The following ATP2B3 variants were observed in gnomAD, a reference collection of about 807,000 sequenced individuals.
The protein encoded by ATP2B3 is ATPase plasma membrane Ca2+ transporting 3.
ATP2B3 carries 12 observed loss-of-function variants against 70.8 expected under a neutral mutation model. The ratio of observed to expected loss-of-function variants is 0.17; its 90% CI spans 0.11 to 0.27. The LOEUF is 0.27. Among genes scored for constraint, ATP2B3 ranks in the 10% least tolerant of loss-of-function variants. ATP2B3 has a pLI of 1.00. For missense variants in ATP2B3, 858 were observed against 1,118.5 expected, an observed-to-expected ratio of 0.77 and a Z score of 3.32; for synonymous variants, 460 against 497.8, an observed-to-expected ratio of 0.92 and a Z score of 1.01.
At chrX:153,525,219 T>A (rs868906410) in intron 2 of ATP2B3, among the ~76,000 whole-genome samples, 2 of 112,396 alleles carry the variant, frequency 1.8e-5, no homozygotes, top group South Asian at 3.7e-4. Flanking sequence ...CTTTTGGAAA[T>A]CACTGTCCTG....
In ATP2B3 at chrX:153,562,219, G is replaced by A. The variant is rs1557016639; in HGVS notation, c.3136G>A (p.Val1046Ile). 5 of 1,211,551 alleles carry A rather than the reference G, an allele frequency of 4.1e-6. No homozygotes were observed. The Admixed American group carries it at 8.7e-5, about 21-fold the overall frequency. Reference protein sequence around the residue: ...EQWLWCLFVGVGELVWGQVIA... With the variant: ...EQWLWCLFVGIGELVWGQVIA... ...GTGGCTCTGGTGCCTGTTTGTTGGT[G>A]TTGGGGAGCTGGTCTGGGGACAGGT... Residue 1046 changes from valine (V) to isoleucine (I), a missense_variant, in exon 20 of 22, where the codon GTT becomes ATT. Transcript: ENST00000263519.
At chrX:153,550,354 G>A in intron 12 of ATP2B3, 68 bp downstream of exon 12, 1 of 1,187,827 alleles carries the variant, frequency 8.4e-7, no homozygotes, top group Non-Finnish European at 1.1e-6. Context: ...TGGTAAAAGA[G>A]GCCGAACGTA....
At chrX:153,523,145 G>T (rs912036566) in intron 2 of ATP2B3, among the ~76,000 whole-genome samples, 17 of 111,122 alleles carry the variant, frequency 1.5e-4, no homozygotes, top group Non-Finnish European at 2.8e-4. Flanking sequence ...TAAATGAATG[G>T]TTTTTTTCAA....
At chrX:153,563,556 TGTTTC>T (rs2090659008) in intron 20 of ATP2B3, among the ~76,000 whole-genome samples, 1 of 112,218 alleles carries the variant, frequency 8.9e-6, no homozygotes, top group African/African-American at 3.2e-5. Context: ...ACCCAGTTCC[TGTTTC>T]ATTTTCAGAA....
At position 153,564,230 on chromosome X, in the gene ATP2B3, T is replaced by G. The variant is rs376499403; in HGVS notation, c.3160-691T>G. 2.7e-5 allele frequency among the ~76,000 whole-genome samples: 3 copies of G among 112,373 alleles called. No homozygotes were observed. The East Asian group carries it at 8.5e-4, about 32-fold the overall frequency. ...CTCCAGCTGTCCTCTCCCAGGGGAG[T>G]TGCGCAAACAGCGCCTGTGTCTCCC... On this transcript the variant is annotated intron_variant, in intron 20 of 21. Coordinates refer to ENST00000263519, the MANE Select transcript of ATP2B3 (RefSeq NM_001001344.3).
intron 20 of ATP2B3, among the ~76,000 whole-genome samples, chrX:153,564,015 C>G (rs992177508): frequency 3.6e-5 from 4 of 112,235 alleles, no homozygotes; most frequent in Non-Finnish European, 5.6e-5. Context: ...CTGTTCCCCC[C>G]ACTTCCCAGT....
Position 153,579,736 on chromosome X carries a change from GA to G in ATP2B3, c.3343-238del, listed in dbSNP as rs782147002. ...GTTGACGAGACCAAGGCCCACACCTGAAAACTCTTTCCAAAGGCAGGCAGAG... is the reference window on the plus strand; with the variant it reads ...GTTGACGAGACCAAGGCCCACACCTGAAACTCTTTCCAAAGGCAGGCAGAG... On this transcript the variant is annotated intron_variant, in intron 21 of 21. Transcript: ENST00000263519. Among the ~76,000 whole-genome samples, 688 of 111,458 alleles carry G rather than the reference GA, an allele frequency of 6.2e-3. 3 individuals carry two copies. The highest frequency in any genetic ancestry group is 0.022 in the African/African-American group (676 of 30,603).
intron 21 of ATP2B3, among the ~76,000 whole-genome samples, chrX:153,572,305 T>C (rs1444701292): frequency 8.9e-6 from 1 of 112,893 alleles, no homozygotes; most frequent in African/African-American, 3.2e-5. Context: ...CAGTTTCCCA[T>C]CCTCTTTGCC....
intron 21 of ATP2B3, chrX:153,574,741 C>T (rs1487528687): frequency 9.2e-6 from 3 of 327,606 alleles, no homozygotes; most frequent in South Asian, 5.2e-5. Flanking sequence ...CAGCCCTGCA[C>T]TGCAAACTCC....
intron 6 of ATP2B3, 69 bp from the exon 7 acceptor site, chrX:153,542,974 G>A (rs1569534155): frequency 2.6e-6 from 3 of 1,158,151 alleles, no homozygotes; most frequent in Non-Finnish European, 3.5e-6. Context: ...GAGACAGGTT[G>A]TGGGCGCTGA....
chrX:153,559,980 A>T (rs1368262518), intron 18 of ATP2B3, 38 bp downstream of exon 18: 1 of 1,157,500 alleles, frequency 8.6e-7, no homozygotes, highest in Non-Finnish European at 1.2e-6. Flanking sequence ...ACTTCAGGAC[A>T]CTGTTGCCAC....
chrX:153,546,266 C>A, intron 8 of ATP2B3, 137 bp downstream of exon 8: 1 of 777,526 alleles, frequency 1.3e-6, no homozygotes. Context: ...GGGCTGGCTG[C>A]ACAGTCCCGT....
Position 153,556,539 on chromosome X carries a change from G to A in ATP2B3, c.2326+121G>A, listed in dbSNP as rs782432458. The A allele has an allele frequency of 3.9e-6, 3 of 767,876 alleles. No homozygotes were observed. In the East Asian group the frequency reaches 1.0e-4, roughly 27 times the overall value. 63.3% of individuals were successfully genotyped at this position (767,876 alleles called of 1,213,427 possible). The stretch of plus-strand genomic sequence containing the variant: ...CCTGCCTAGGAAGCTGGGTCCATTT[G>A]TCCCATTAGCCCAGAGCAGCAGGGC... On this transcript the variant is annotated intron_variant, in intron 15 of 21. Transcript: ENST00000263519.
intron 21 of ATP2B3, among the ~76,000 whole-genome samples, chrX:153,570,399 G>C (rs1293081169): frequency 1.8e-5 from 2 of 112,714 alleles, no homozygotes; most frequent in African/African-American, 6.5e-5. Flanking sequence ...GGGTGTTAGA[G>C]GTTTCCCCAG....
At chrX:153,562,376 C>T (rs1236527560) in intron 20 of ATP2B3, 134 bp downstream of exon 20, 3 of 518,578 alleles carry the variant, frequency 5.8e-6, no homozygotes, top group Non-Finnish European at 9.3e-6. Context: ...AGGCCTGTGA[C>T]ACACCAGGAC....
chrX:153,570,709 T>C (rs930355676), intron 21 of ATP2B3, among the ~76,000 whole-genome samples: 2 of 111,031 alleles, frequency 1.8e-5, no homozygotes, highest in African/African-American at 6.6e-5. Flanking sequence ...GCCAGGATGG[T>C]TCTATGCTAC....
chrX:153,572,211 G>T (rs1321042349), intron 21 of ATP2B3, among the ~76,000 whole-genome samples: 2 of 112,846 alleles, frequency 1.8e-5, no homozygotes, highest in Non-Finnish European at 3.8e-5. Context: ...TCTGAAGGCT[G>T]TGACGGAGCT....
At position 153,522,428 on chromosome X, in the gene ATP2B3, C is replaced by T. The variant is rs192774059; in HGVS notation, c.-127+3877C>T. 1.1e-3 allele frequency among the ~76,000 whole-genome samples: 128 copies of T among 112,310 alleles called. 1 individual carries two copies. Among genetic ancestry groups the T allele is most frequent in the Middle Eastern group, 4.6e-3 (1 of 217 alleles). On this transcript the variant is annotated intron_variant, in intron 2 of 21. Transcript: ENST00000263519. The stretch of plus-strand genomic sequence containing the variant: ...AGGCCAGCCGGTATCTCCCAGGGCT[C>T]GGGTCCACAACCTGAGTCCCCGCCC...
At chrX:153,548,568 C>A in intron 9 of ATP2B3, 72 bp from the exon 10 acceptor site, 1 of 960,166 alleles carries the variant, frequency 1.0e-6, no homozygotes, top group Non-Finnish European at 1.5e-6. Flanking sequence ...CATACCTCTT[C>A]TTCCCTCTTC....
Sources: gnomAD v4.1 joint callset for allele counts (sites outside exome capture counted in the v4.1 genomes callset) on GRCh38, gnomAD v4.1.1 for gene constraint, MANE v1.5 for transcripts, NCBI Gene and HGNC (gene_info 2026-07-23, HGNC 2026-07-21) for gene names.